PARD3B: variants seen among roughly 807,000 people sequenced by gnomAD.
The protein encoded by PARD3B is partitioning defective 3 homolog B.
Under a neutral mutation model 130.2 loss-of-function variants are expected in PARD3B, and 103 were observed. The observed-to-expected ratio is 0.79, with a 90% confidence interval of 0.67 to 0.93. The LOEUF (loss-of-function observed/expected upper bound fraction) is 0.93, where lower values mean the gene tolerates loss of function less well. Among genes scored for constraint, PARD3B ranks in the 40% least tolerant of loss-of-function variants. PARD3B has a pLI of 0.00. For synonymous variants in PARD3B, 583 were observed against 553.2 expected (o/e 1.05, Z -0.76); for missense variants, 1,609 against 1,499.2 (o/e 1.07, Z -1.21).
intron 2 of PARD3B, among the ~76,000 whole-genome samples, chr2:204,873,945 C>T (rs1427152503): frequency 6.6e-6 from 1 of 151,996 alleles, no homozygotes; most frequent in African/African-American, 2.4e-5. Flanking sequence ...GAGTTCGGGA[C>T]CAGCCTGGTT....
chr2:204,667,593 C>G (rs142970487), intron 1 of PARD3B, among the ~76,000 whole-genome samples: 1 of 152,258 alleles, frequency 6.6e-6, no homozygotes, highest in African/African-American at 2.4e-5. Flanking sequence ...TTCTGTCACT[C>G]ATGCTTTCTT....
chr2:204,980,616 G>A (rs2125207353), intron 3 of PARD3B, among the ~76,000 whole-genome samples: 1 of 152,308 alleles, frequency 6.6e-6, no homozygotes, highest in South Asian at 2.1e-4. Flanking sequence ...TGAAAATGAT[G>A]TGATGAGCAG....
At chr2:204,801,888 A>G (rs961911420) in intron 2 of PARD3B, among the ~76,000 whole-genome samples, 5 of 152,158 alleles carry the variant, frequency 3.3e-5, no homozygotes, top group African/African-American at 1.2e-4. Context: ...CCATCAGTAC[A>G]TAGTTAATTG....
At chr2:205,079,215 C>T (rs1701253694) in intron 4 of PARD3B, among the ~76,000 whole-genome samples, 1 of 152,156 alleles carries the variant, frequency 6.6e-6, no homozygotes, top group Admixed American at 6.5e-5. Flanking sequence ...TAAAAGATAA[C>T]CATGATTTAA....
At chr2:205,392,484 GT>G (rs1268090576) in intron 18 of PARD3B, among the ~76,000 whole-genome samples, 4 of 152,116 alleles carry the variant, frequency 2.6e-5, no homozygotes, top group African/African-American at 9.7e-5. Context: ...CATATAGCTT[GT>G]CATCATCTTG....
chr2:205,236,906 G>A (rs1463798476), intron 15 of PARD3B, among the ~76,000 whole-genome samples: 1 of 152,032 alleles, frequency 6.6e-6, no homozygotes, highest in African/African-American at 2.4e-5. Flanking sequence ...AGTACTATTT[G>A]GGGACAAATT....
At chr2:204,834,573 T>G (rs558950932) in intron 2 of PARD3B, among the ~76,000 whole-genome samples, 46 of 152,238 alleles carry the variant, frequency 3.0e-4, no homozygotes, top group African/African-American at 8.9e-4. Flanking sequence ...ATAATGAGAT[T>G]TTAGAGTAGC....
At chr2:205,262,836 G>C (rs2040366029) in intron 16 of PARD3B, among the ~76,000 whole-genome samples, 1 of 152,014 alleles carries the variant, frequency 6.6e-6, no homozygotes, top group Non-Finnish European at 1.5e-5. Flanking sequence ...TCCATTTATT[G>C]CTTTACATTT....
intron 2 of PARD3B, among the ~76,000 whole-genome samples, chr2:204,789,872 C>CTTCT (rs1553523207): frequency 0.088 from 12,299 of 139,330 alleles, 681 homozygotes; most frequent in African/African-American, 0.15. Context: ...TAGTTTTCTT[C>CTTCT]TTTTTTTTTT....
intron 2 of PARD3B, among the ~76,000 whole-genome samples, chr2:204,923,682 C>G (rs1458401422): frequency 6.6e-6 from 1 of 151,962 alleles, no homozygotes; most frequent in East Asian, 1.9e-4. Flanking sequence ...ATTATTGTTC[C>G]TATTTCAATT....
In PARD3B at chr2:205,158,953, G is replaced by A. The variant is rs753115239; in HGVS notation, c.1620+46G>A. On this transcript the variant is annotated intron_variant, in intron 11 of 22. Coordinates refer to ENST00000406610, the MANE Select transcript of PARD3B (RefSeq NM_001302769.2). The surrounding 1 kb of genome is among the most constrained non-coding windows in gnomAD (Gnocchi z 5.4). ...TACATCCTTTGAGAAGGCACTTGGA[G>A]ATGTGACTGTTGTACTTAGAGACTG... The A allele has an allele frequency of 2.8e-5, 45 of 1,593,338 alleles. No individual in the cohort carries two copies. The highest frequency in any genetic ancestry group is 3.9e-5 in the Non-Finnish European group (45 of 1,164,166).
At chr2:205,537,711 G>A (rs2051925554) in intron 21 of PARD3B, among the ~76,000 whole-genome samples, 1 of 152,196 alleles carries the variant, frequency 6.6e-6, no homozygotes, top group African/African-American at 2.4e-5. Context: ...GAAGCCAGCT[G>A]TCATTCTCTC....
chr2:204,930,972 G>A (rs9784034), intron 2 of PARD3B, among the ~76,000 whole-genome samples: 3 of 152,024 alleles, frequency 2.0e-5, no homozygotes, highest in Non-Finnish European at 4.4e-5. Context: ...TGATAATACA[G>A]GCTTTTGCCT....
intron 2 of PARD3B, among the ~76,000 whole-genome samples, chr2:204,816,651 T>A (rs2043158409): frequency 6.6e-6 from 1 of 152,012 alleles, no homozygotes; most frequent in Non-Finnish European, 1.5e-5. Context: ...ATGTCTGTTT[T>A]TCCTGGCTCC....
In PARD3B at chr2:205,301,527, A is replaced by G. The variant is rs1211842082; in HGVS notation, c.2456A>G (p.Gln819Arg). ...QGALNCESAP[Q>R]GNSELEDMEN... ...GCTCTGAATTGTGAGTCTGCCCCTC[A>G]GGGGAATTCGGAGCTAGAGGACATG... The change falls in exon 18 of 23, where the codon CAG becomes CGG. Residue 819 changes from glutamine (Q) to arginine (R), a missense_variant. Gln to Arg is a conservative substitution (Grantham distance 43). Coordinates refer to ENST00000406610, the MANE Select transcript of PARD3B (RefSeq NM_001302769.2). The surrounding 1 kb of genome is among the most constrained non-coding windows in gnomAD (Gnocchi z 5.2). 6.2e-7 allele frequency: 1 copy of G among 1,614,098 alleles called. No individual in the cohort carries two copies. Among genetic ancestry groups the G allele is most frequent in the East Asian group, 2.2e-5 (1 of 44,870 alleles).
At chr2:205,103,330 C>CATATTTTTATTTATGTAAAATAAAT (rs376023748) in intron 4 of PARD3B, among the ~76,000 whole-genome samples, 66,395 of 90,458 alleles carry the variant, frequency 0.73, 23,375 homozygotes, top group South Asian at 0.8. Context: ...GTAAAATAAA[C>CATATTTTTATTTATGTAAAATAAAT]ATATTTTTAT....
In PARD3B at chr2:205,116,206, A is replaced by G. The variant is rs1036094189; in HGVS notation, c.680+2629A>G. Among the ~76,000 whole-genome samples, 3 of 152,350 alleles carry G rather than the reference A, an allele frequency of 2.0e-5. No individual in the cohort carries two copies. Among genetic ancestry groups the G allele is most frequent in the South Asian group, 2.1e-4 (1 of 4,832 alleles). ...AATTTTATTCAGATTTTTAAAATCA[A>G]TGTGGTTTTTGTGAATTAAAAACAT... is the stretch of plus-strand genomic sequence containing the variant. On this transcript the variant is annotated intron_variant, in intron 6 of 22. Transcript: ENST00000406610. The surrounding 1 kb of genome is among the most constrained non-coding windows in gnomAD (Gnocchi z 4.5).
intron 21 of PARD3B, among the ~76,000 whole-genome samples, chr2:205,505,414 T>C (rs2077932672): frequency 8.9e-6 from 1 of 112,674 alleles, no homozygotes; most frequent in Non-Finnish European, 1.9e-5. Flanking sequence ...ATAAAATAAA[T>C]GAATACACAC....
chr2:204,941,433 A>G (rs557869186), intron 2 of PARD3B, among the ~76,000 whole-genome samples: 2 of 152,346 alleles, frequency 1.3e-5, no homozygotes, highest in East Asian at 3.9e-4. Context: ...TGATAACATA[A>G]TTAACAACCT....
Sources: allele counts gnomAD v4.1 joint callset (sites outside exome capture counted in the v4.1 genomes callset), GRCh38; gene constraint gnomAD v4.1.1; non-coding constraint Gnocchi (gnomAD v3.1); transcripts MANE v1.5; gene names NCBI Gene and HGNC (gene_info 2026-07-23, HGNC 2026-07-21).